The following DOCK3 variants were observed in gnomAD, a reference collection of about 807,000 sequenced individuals.
DOCK3 encodes the protein dedicator of cytokinesis protein 3.
DOCK3 carries 60 observed loss-of-function variants against 265.6 expected under a neutral mutation model. That is an observed-to-expected ratio of 0.23 (90% CI 0.18 to 0.28). The LOEUF (loss-of-function observed/expected upper bound fraction) is 0.28, where lower values mean the gene tolerates loss of function less well. Among genes scored for constraint, DOCK3 ranks in the 10% least tolerant of loss-of-function variants. The probability of loss-of-function intolerance (pLI) is 1.00; values close to 1 mark genes in which losing one functional copy is unlikely to be tolerated. For synonymous variants in DOCK3, 881 were observed against 938.0 expected (o/e 0.94, Z 1.11); for missense variants, 1,981 against 2,594.3 (o/e 0.76, Z 5.14).
chr3:50,882,506 A>T (rs1302898527), intron 3 of DOCK3, among the ~76,000 whole-genome samples: 1 of 152,218 alleles, frequency 6.6e-6, no homozygotes, highest in African/African-American at 2.4e-5. Flanking sequence ...GCCAACAGAC[A>T]CGTGAAAAAA....
chr3:51,108,157 C>T (rs1007858350), intron 9 of DOCK3, among the ~76,000 whole-genome samples: 11 of 152,026 alleles, frequency 7.2e-5, no homozygotes, highest in African/African-American at 2.7e-4. Flanking sequence ...TCCTCAGCCT[C>T]CCAAGTAGCT....
intron 2 of DOCK3, among the ~76,000 whole-genome samples, chr3:50,836,321 C>G (rs894704082): frequency 2.6e-5 from 4 of 152,192 alleles, no homozygotes; most frequent in Admixed American, 1.3e-4. Flanking sequence ...GCCTGGACAC[C>G]CAGGCATTTT....
intron 22 of DOCK3, among the ~76,000 whole-genome samples, chr3:51,247,672 G>T (rs138239021): frequency 6.6e-6 from 1 of 152,090 alleles, no homozygotes; most frequent in Non-Finnish European, 1.5e-5. Flanking sequence ...TGCACATTCC[G>T]TAAAAATCTG....
chr3:50,719,313 T>C (rs1247525211), intron 1 of DOCK3, among the ~76,000 whole-genome samples: 1 of 151,216 alleles, frequency 6.6e-6, no homozygotes, highest in African/African-American at 2.4e-5. Context: ...TAAACTTAAC[T>C]CTGCAATCCA....
chr3:50,837,252 A>G (rs2045565134), intron 2 of DOCK3, among the ~76,000 whole-genome samples: 1 of 152,214 alleles, frequency 6.6e-6, no homozygotes, highest in Non-Finnish European at 1.5e-5. Context: ...TACACTCTGC[A>G]GTACCAATTT....
chr3:51,360,299 C>T lies in DOCK3; in HGVS notation c.4885-212C>T, dbSNP rs1407054653. Among the ~76,000 whole-genome samples, 3 of 152,224 alleles carry T rather than the reference C, an allele frequency of 2.0e-5. No homozygotes were observed. In the East Asian group the frequency reaches 5.8e-4, roughly 29 times the overall value. ...TGGAGTCAACCTGGGGCCTCGCACA[C>T]GGCCTTTGGTCTAGGTTCCAGTGCA... On this transcript the variant is annotated intron_variant, in intron 46 of 52. Transcript: ENST00000266037.
intron 40 of DOCK3, among the ~76,000 whole-genome samples, chr3:51,353,134 A>T (rs1436599154): frequency 1.3e-5 from 2 of 152,238 alleles, no homozygotes. Flanking sequence ...GAATGATATG[A>T]AAAGGCTAGT....
In DOCK3 at chr3:50,802,220, A is replaced by G. The variant is rs2043109506; in HGVS notation, c.121+23462A>G. Among the ~76,000 whole-genome samples the G allele has an allele frequency of 2.0e-5, 3 of 152,192 alleles. No homozygotes were observed. The South Asian group carries it at 6.2e-4, about 32-fold the overall frequency. ...TTATTATTGATAGGGATTTACTCCT[A>G]TTATTTTACTGTTTTCTGATTGTTT... is the stretch of plus-strand genomic sequence containing the variant. On this transcript the variant is annotated intron_variant, in intron 2 of 52. Transcript: ENST00000266037.
chr3:51,237,901 T>C (rs2078420170), intron 21 of DOCK3, among the ~76,000 whole-genome samples: 1 of 151,306 alleles, frequency 6.6e-6, no homozygotes, highest in Admixed American at 6.6e-5. Flanking sequence ...CATTCTCCCC[T>C]CCCCTATCCC....
chr3:51,041,578 G>A (rs1216181204), intron 5 of DOCK3, among the ~76,000 whole-genome samples: 1 of 152,074 alleles, frequency 6.6e-6, no homozygotes, highest in African/African-American at 2.4e-5. Flanking sequence ...TCTGTGGCCT[G>A]CAGAATAGAT....
intron 20 of DOCK3, 34 bp downstream of exon 20, chr3:51,236,462 A>G (rs749828460): frequency 6.4e-7 from 1 of 1,561,488 alleles, no homozygotes; most frequent in Middle Eastern, 1.7e-4. Flanking sequence ...ACTTTTATTA[A>G]TTATTCCTGT....
intron 1 of DOCK3, among the ~76,000 whole-genome samples, chr3:50,676,403 T>A (rs1377738248): frequency 6.6e-6 from 1 of 152,206 alleles, no homozygotes; most frequent in East Asian, 1.9e-4. Context: ...AAGGTAACTT[T>A]CTGAAACAAT....
intron 2 of DOCK3, among the ~76,000 whole-genome samples, chr3:50,831,232 AT>A (rs1249437959): frequency 5.0e-5 from 7 of 140,530 alleles, no homozygotes; most frequent in African/African-American, 1.6e-4. Flanking sequence ...TTTATTTTTA[AT>A]TTTTTTTATT....
At chr3:50,856,893 G>A (rs536417929) in intron 3 of DOCK3, among the ~76,000 whole-genome samples, 3 of 152,208 alleles carry the variant, frequency 2.0e-5, no homozygotes, top group African/African-American at 7.2e-5. Flanking sequence ...TATCATGAGG[G>A]ATGTTGAATT....
chr3:50,826,517 A>G (rs1277427557), intron 2 of DOCK3, among the ~76,000 whole-genome samples: 2 of 152,158 alleles, frequency 1.3e-5, no homozygotes, highest in Admixed American at 6.5e-5. Flanking sequence ...TGAACTGGCA[A>G]CCAAGGATAC....
At chr3:51,261,425 G>A (rs2079842260) in intron 23 of DOCK3, among the ~76,000 whole-genome samples, 1 of 152,230 alleles carries the variant, frequency 6.6e-6, no homozygotes, top group African/African-American at 2.4e-5. Flanking sequence ...CTGCAGACCA[G>A]GAGATTCCCT....
chr3:50,726,791 A>G (rs1018297718), intron 1 of DOCK3, among the ~76,000 whole-genome samples: 1 of 152,208 alleles, frequency 6.6e-6, no homozygotes, highest in Non-Finnish European at 1.5e-5. Flanking sequence ...GGGGAGGGAG[A>G]ATAATCTGAT....
At chr3:51,132,238 C>A (rs1405945953) in intron 9 of DOCK3, among the ~76,000 whole-genome samples, 2 of 152,208 alleles carry the variant, frequency 1.3e-5, no homozygotes, top group Non-Finnish European at 2.9e-5. Context: ...TGACCCAACT[C>A]TGTGTTTCTT....
chr3:50,746,132 CAG>C (rs2039422750), intron 1 of DOCK3, among the ~76,000 whole-genome samples: 1 of 125,468 alleles, frequency 8.0e-6, no homozygotes, highest in African/African-American at 3.0e-5. Flanking sequence ...TTTTTTGAGA[CAG>C]AGTCTTACTC....
Sources: allele counts gnomAD v4.1 joint callset (sites outside exome capture counted in the v4.1 genomes callset), GRCh38; gene constraint gnomAD v4.1.1; transcripts MANE v1.5; gene names NCBI Gene and HGNC (gene_info 2026-07-23, HGNC 2026-07-21).